C5orf58: variants seen among roughly 807,000 people sequenced by gnomAD.
C5orf58 encodes the protein chromosome 5 open reading frame 58.
In C5orf58, 2 loss-of-function variants were observed where a neutral mutation model predicts 2.9. That is an observed-to-expected ratio of 0.69 (90% confidence interval 0.28 to 2.18). C5orf58 has a LOEUF of 2.18. Ranked by LOEUF, C5orf58 falls within the 30% of genes most tolerant of loss-of-function variation. The pLI, the probability that C5orf58 is intolerant of heterozygous loss-of-function variation, is 0.13. For synonymous variants in C5orf58, 37 were observed against 33.4 expected (o/e 1.11, Z -0.37); for missense variants, 96 against 91.7 (o/e 1.05, Z -0.19).
intron 3 of C5orf58, among the ~76,000 whole-genome samples, chr5:170,245,451 C>A (rs1440304644): frequency 6.6e-6 from 1 of 152,222 alleles, no homozygotes; most frequent in Non-Finnish European, 1.5e-5. Flanking sequence ...ACCTTCCAAG[C>A]CAGGTGCGGG....
intron 3 of C5orf58, among the ~76,000 whole-genome samples, chr5:170,239,733 G>A (rs1366058588): frequency 5.9e-5 from 9 of 152,070 alleles, no homozygotes; most frequent in African/African-American, 2.2e-4. Flanking sequence ...CACCCTTTTA[G>A]TAAGTTTTTA....
intron 2 of C5orf58, among the ~76,000 whole-genome samples, chr5:170,234,510 G>A (rs1278453249): frequency 6.6e-6 from 1 of 152,296 alleles, no homozygotes; most frequent in East Asian, 1.9e-4. Context: ...GATTATAATT[G>A]AATTATCCTC....
At chr5:170,237,384 G>A in intron 3 of C5orf58, 1 of 398,050 alleles carries the variant, frequency 2.5e-6, no homozygotes, top group Non-Finnish European at 4.4e-6. Flanking sequence ...TATTGCCATT[G>A]GCATTTACAG....
intron 3 of C5orf58, among the ~76,000 whole-genome samples, chr5:170,245,529 C>G (rs1391869381): frequency 1.3e-5 from 2 of 152,156 alleles, no homozygotes; most frequent in African/African-American, 2.4e-5. Context: ...GGGAGTGACC[C>G]GATTTTCCAG....
intron 3 of C5orf58, among the ~76,000 whole-genome samples, chr5:170,237,007 T>TG: frequency 6.6e-6 from 1 of 152,378 alleles, no homozygotes; most frequent in South Asian, 2.1e-4. Flanking sequence ...TAAATGGTTC[T>TG]GGATGCTTGA....
chr5:170,237,402 A>C (rs937413563), intron 3 of C5orf58: 10 of 397,590 alleles, frequency 2.5e-5, no homozygotes, highest in Non-Finnish European at 4.4e-5. Flanking sequence ...CAGATGTGTA[A>C]ATAGAGAGAT....
At chr5:170,233,809 C>G (rs2113078404) in intron 1 of C5orf58, 1 of 316,090 alleles carries the variant, frequency 3.2e-6, no homozygotes, top group South Asian at 2.7e-5. Flanking sequence ...TAGCACCCCA[C>G]TGTGCCCTCA....
chr5:170,237,361 A>T (rs775801535), intron 3 of C5orf58: 3 of 398,148 alleles, frequency 7.5e-6, no homozygotes, highest in Non-Finnish European at 1.3e-5. Flanking sequence ...TCATAATCCT[A>T]TGAGGTAGGA....
downstream of C5orf58, chr5:170,252,360 T>C: frequency 2.5e-6 from 2 of 800,790 alleles, no homozygotes; most frequent in Non-Finnish European, 4.1e-6. Context: ...CTGTAATTGG[T>C]ACTCAGGACA....
chr5:170,247,331 G>T (rs552515337), downstream of C5orf58: 6 of 152,320 alleles, frequency 3.9e-5, no homozygotes, highest in East Asian at 1.2e-3. Flanking sequence ...TCAGTTAAAA[G>T]TCTCTACCTT....
chr5:170,248,783 T>G, downstream of C5orf58: 1 of 1,612,528 alleles, frequency 6.2e-7, no homozygotes, highest in Non-Finnish European at 8.5e-7. Flanking sequence ...GGCATTTTCC[T>G]GAAGTAGTCA....
downstream of C5orf58, chr5:170,247,494 TG>T (rs375070976): frequency 1.7e-3 from 256 of 152,344 alleles, no homozygotes; most frequent in African/African-American, 5.9e-3. Flanking sequence ...CGCCAAAAAT[TG>T]TTGCTAATAA....
At chr5:170,250,385 A>G (rs1761407936), downstream of C5orf58, among the ~76,000 whole-genome samples, 1 of 152,230 alleles carries the variant, frequency 6.6e-6, no homozygotes, top group Non-Finnish European at 1.5e-5. Context: ...GTGTCAACTT[A>G]AAATGCAGCC....
At chr5:170,241,160 G>A (rs1490336415) in intron 3 of C5orf58, among the ~76,000 whole-genome samples, 2 of 151,812 alleles carry the variant, frequency 1.3e-5, no homozygotes, top group Non-Finnish European at 2.9e-5. Flanking sequence ...CCAGTACCAT[G>A]CTGTTTTGGT....
At chr5:170,233,885 G>A in intron 1 of C5orf58, 1 of 358,512 alleles carries the variant, frequency 2.8e-6, no homozygotes, top group South Asian at 2.2e-5. Flanking sequence ...CACTGTCTTG[G>A]GCTCTAAAAT....
At chr5:170,248,938 G>GA (rs111364433), downstream of C5orf58, 2,312 of 992,238 alleles carry the variant, frequency 2.3e-3, 49 homozygotes, top group African/African-American at 0.034. Context: ...ATTGTGGGGG[G>GA]AAAAAATGTA....
At chr5:170,250,022 T>A (rs1368292069), downstream of C5orf58, among the ~76,000 whole-genome samples, 1 of 152,238 alleles carries the variant, frequency 6.6e-6, no homozygotes, top group Non-Finnish European at 1.5e-5. Flanking sequence ...TTCATTAACA[T>A]TATCATAACA....
At chr5:170,252,350 C>T (rs1546451), downstream of C5orf58, 354,460 of 733,698 alleles carry the variant, frequency 0.48, 88,359 homozygotes, top group South Asian at 0.53. Flanking sequence ...AATTCCTAGC[C>T]TGTAATTGGT....
At chr5:170,245,688 G>A (rs1206117166) in intron 3 of C5orf58, among the ~76,000 whole-genome samples, 1 of 152,234 alleles carries the variant, frequency 6.6e-6, no homozygotes, top group African/African-American at 2.4e-5. Flanking sequence ...TCCCTAGTGA[G>A]ATGAACCCGG....
Sources: allele counts gnomAD v4.1 joint callset (sites outside exome capture counted in the v4.1 genomes callset), GRCh38; gene constraint gnomAD v4.1.1; transcripts MANE v1.5; gene names NCBI Gene and HGNC (gene_info 2026-07-23, HGNC 2026-07-21).